The following RELN variants were observed in gnomAD, a reference collection of about 807,000 sequenced individuals.
The protein encoded by RELN is reelin.
Under a neutral mutation model 427.6 loss-of-function variants are expected in RELN, and 108 were observed. That is an observed-to-expected ratio of 0.25 (90% CI 0.22 to 0.30). The LOEUF is 0.30. Ranked by LOEUF, RELN falls within the 10% of genes least tolerant of loss-of-function variation. The probability of loss-of-function intolerance (pLI) is 1.00; values close to 1 mark genes in which losing one functional copy is unlikely to be tolerated. For missense variants in RELN, 3,715 were observed against 4,302.8 expected (o/e 0.86, Z 3.82); for synonymous variants, 1,524 against 1,513.4 (o/e 1.01, Z -0.16).
intron 45 of RELN, among the ~76,000 whole-genome samples, chr7:103,538,401 G>A (rs1182125061): frequency 6.6e-6 from 1 of 152,154 alleles, no homozygotes; most frequent in Non-Finnish European, 1.5e-5. Flanking sequence ...GAGAGTCCAA[G>A]TGTGCAATGA....
chr7:103,660,621 C>T (rs1354197951), intron 12 of RELN, among the ~76,000 whole-genome samples: 1 of 152,262 alleles, frequency 6.6e-6, no homozygotes, highest in African/African-American at 2.4e-5. Flanking sequence ...GACATCTTTG[C>T]TAGTAAGTTC....
At chr7:103,570,804 C>A (rs1197432223) in intron 31 of RELN, among the ~76,000 whole-genome samples, 1 of 152,166 alleles carries the variant, frequency 6.6e-6, no homozygotes, top group East Asian at 1.9e-4. Flanking sequence ...GGGGAGAAAT[C>A]ATTTTATTTA....
intron 25 of RELN, among the ~76,000 whole-genome samples, 156 bp from the exon 26 acceptor site, chr7:103,594,648 G>A (rs532209747): frequency 1.3e-5 from 2 of 152,134 alleles, no homozygotes; most frequent in Non-Finnish European, 2.9e-5. Context: ...TATCAGACTT[G>A]AGGTTTAACC....
At chr7:103,880,694 T>C (rs1794587298) in intron 2 of RELN, among the ~76,000 whole-genome samples, 1 of 152,172 alleles carries the variant, frequency 6.6e-6, no homozygotes, top group South Asian at 2.1e-4. Context: ...TATTTCTTCT[T>C]CTTTTTTATT....
intron 2 of RELN, among the ~76,000 whole-genome samples, chr7:103,857,602 T>A (rs1302325130): frequency 6.6e-6 from 1 of 152,214 alleles, no homozygotes; most frequent in East Asian, 1.9e-4. Context: ...AGGCTGAGTA[T>A]GAATCTGCCT....
At chr7:103,832,175 G>A (rs1793290286) in intron 3 of RELN, among the ~76,000 whole-genome samples, 1 of 152,104 alleles carries the variant, frequency 6.6e-6, no homozygotes. Flanking sequence ...AAAAGGCAGT[G>A]GTAAATTTTA....
At position 103,629,947 on chromosome 7, in the gene RELN, T is replaced by A; in HGVS notation, c.2695A>T (p.Thr899Ser). 2 of 1,588,444 alleles carry A rather than the reference T, an allele frequency of 1.3e-6. No homozygotes were observed. The highest frequency in any genetic ancestry group is 1.7e-6 in the Non-Finnish European group (2 of 1,156,766). The change falls in exon 20 of 65, where the codon ACC becomes TCC. Residue 899 changes from threonine to serine, a missense_variant. This residue lies in a region of RELN where 2,208 missense variants were observed against 2,361.7 expected (regional missense o/e 0.93). Coordinates refer to ENST00000428762, the MANE Select transcript of RELN (RefSeq NM_005045.4). ...CAATGATGAAATCCTTACCAAAGGG[T>A]CCAGTCGTGGCCACAGTATGGCTGA... ...NVQPYCGHDWTLCFTGDSKLA... is the reference protein window; with the variant it reads ...NVQPYCGHDWSLCFTGDSKLA...
chr7:103,820,023 T>C (rs1050190409), intron 3 of RELN, among the ~76,000 whole-genome samples: 8 of 151,980 alleles, frequency 5.3e-5, no homozygotes, highest in African/African-American at 1.9e-4. Flanking sequence ...TAATTGTTCA[T>C]TTACAAAATA....
At chr7:103,886,204 G>GA (rs1794722901) in intron 2 of RELN, among the ~76,000 whole-genome samples, 3 of 152,008 alleles carry the variant, frequency 2.0e-5, no homozygotes, top group Admixed American at 1.3e-4. Flanking sequence ...AAAGGAAAGG[G>GA]AAAAAAACCT....
chr7:103,884,884 G>A (rs866960664), intron 2 of RELN, among the ~76,000 whole-genome samples: 4 of 152,080 alleles, frequency 2.6e-5, no homozygotes, highest in Admixed American at 6.5e-5. Flanking sequence ...GATTCCTCAG[G>A]GATCTAGAAC....
intron 51 of RELN, among the ~76,000 whole-genome samples, chr7:103,507,439 A>C (rs1277687116): frequency 6.6e-6 from 1 of 152,220 alleles, no homozygotes; most frequent in Non-Finnish European, 1.5e-5. Flanking sequence ...ACTACTGGGT[A>C]CATAACGAAA....
At chr7:103,559,626 A>T (rs568009011) in intron 36 of RELN, among the ~76,000 whole-genome samples, 1 of 151,734 alleles carries the variant, frequency 6.6e-6, no homozygotes, top group Non-Finnish European at 1.5e-5. Flanking sequence ...CCCAGTGGCT[A>T]TTTATAAATG....
intron 1 of RELN, among the ~76,000 whole-genome samples, chr7:103,978,686 T>G (rs1278982893): frequency 2.0e-5 from 3 of 152,242 alleles, no homozygotes; most frequent in African/African-American, 4.8e-5. Context: ...TGAATACAGA[T>G]AGCTATCCCC....
intron 20 of RELN, among the ~76,000 whole-genome samples, chr7:103,617,726 T>C (rs978459073): frequency 1.6e-4 from 25 of 152,102 alleles, no homozygotes; most frequent in African/African-American, 6.0e-4. Context: ...GTTTGGATGT[T>C]TGTCCCTCCA....
At chr7:103,690,061 A>T (rs1213397906) in intron 10 of RELN, among the ~76,000 whole-genome samples, 1 of 152,136 alleles carries the variant, frequency 6.6e-6, no homozygotes, top group African/African-American at 2.4e-5. Flanking sequence ...GATCTTCCTC[A>T]TGGTGCTGGC....
chr7:103,746,599 C>T (rs185982736), intron 6 of RELN, among the ~76,000 whole-genome samples: 1,613 of 152,160 alleles, frequency 0.011, 25 homozygotes, highest in African/African-American at 0.037. Flanking sequence ...AAAAAGTGGG[C>T]GAAGGATATG....
chr7:103,740,171 T>A (rs1181650156), intron 6 of RELN, among the ~76,000 whole-genome samples: 5 of 152,162 alleles, frequency 3.3e-5, no homozygotes, highest in Non-Finnish European at 7.4e-5. Context: ...CAGAGTTGAC[T>A]GAAATTAAGT....
At chr7:103,770,033 A>G (rs566110420) in intron 4 of RELN, among the ~76,000 whole-genome samples, 1 of 152,172 alleles carries the variant, frequency 6.6e-6, no homozygotes, top group South Asian at 2.1e-4. Context: ...CACTTTCTTA[A>G]ACCCTACCCC....
At chr7:103,729,862 G>A (rs1005161985) in intron 6 of RELN, among the ~76,000 whole-genome samples, 21 of 151,954 alleles carry the variant, frequency 1.4e-4, no homozygotes, top group Admixed American at 3.3e-4. Context: ...TTATTGCTAA[G>A]AATTTCTCAT....
Sources: gnomAD v4.1 joint callset for allele counts (sites outside exome capture counted in the v4.1 genomes callset) on GRCh38, gnomAD v4.1.1 for gene constraint, gnomAD v4.1.1 regional missense constraint, MANE v1.5 for transcripts, NCBI Gene and HGNC (gene_info 2026-07-23, HGNC 2026-07-21) for gene names.